CACNA1A: variants seen among roughly 807,000 people sequenced by gnomAD.
The protein encoded by CACNA1A is voltage-dependent P/Q-type calcium channel subunit alpha-1A.
Under a neutral mutation model 262.4 loss-of-function variants are expected in CACNA1A, and 57 were observed. The observed-to-expected ratio is 0.22, with a 90% confidence interval of 0.18 to 0.27. The LOEUF is 0.27. Among genes scored for constraint, CACNA1A ranks in the 10% least tolerant of loss-of-function variants. The pLI, the probability that CACNA1A is intolerant of heterozygous loss-of-function variation, is 1.00. For synonymous variants in CACNA1A, 1,431 were observed against 1,419.3 expected, an observed-to-expected ratio of 1.01 and a Z score of -0.18; for missense variants, 2,526 against 3,562.8, an observed-to-expected ratio of 0.71 and a Z score of 7.41.
chr19:13,271,806 C>G (rs144378225), intron 24 of CACNA1A: 1 of 151,166 alleles, frequency 6.6e-6, no homozygotes, highest in Non-Finnish European at 1.5e-5. Context: ...CTCTGTTGCC[C>G]AGGCTGGAGT....
intron 34 of CACNA1A, among the ~76,000 whole-genome samples, chr19:13,232,086 C>T (rs902273330): frequency 6.6e-6 from 1 of 152,150 alleles, no homozygotes; most frequent in African/African-American, 2.4e-5. Flanking sequence ...TGCCCGTGCC[C>T]CACCCCAGCA....
intron 15 of CACNA1A, among the ~76,000 whole-genome samples, chr19:13,305,782 C>T (rs972031175): frequency 6.6e-6 from 1 of 152,152 alleles, no homozygotes; most frequent in Non-Finnish European, 1.5e-5. Context: ...CGCTTATGGG[C>T]CAGGTGTGGT....
intron 6 of CACNA1A, among the ~76,000 whole-genome samples, chr19:13,345,889 C>T (rs6511857): frequency 0.68 from 96,675 of 142,928 alleles, 33,472 homozygotes; most frequent in East Asian, 0.85. Flanking sequence ...TGTCTGTTCA[C>T]GAAGTCTTTT....
At chr19:13,433,549 G>A (rs1234219288) in intron 3 of CACNA1A, among the ~76,000 whole-genome samples, 1 of 150,976 alleles carries the variant, frequency 6.6e-6, no homozygotes, top group Non-Finnish European at 1.5e-5. Context: ...CTTGGATCAG[G>A]GCCTGCATTG....
At position 13,463,990 on chromosome 19, in the gene CACNA1A, A is replaced by G. The variant is rs1405668275; in HGVS notation, c.294-8778T>C. On this transcript the variant is annotated intron_variant, in intron 1 of 46. Coordinates refer to ENST00000360228, the MANE Select transcript of CACNA1A (RefSeq NM_001127222.2). ...ACCTCATAGGTTGTGTGAGAATGGAATGAGCTGATACACACAATAATCTAT... is the reference window on the plus strand; with the variant it reads ...ACCTCATAGGTTGTGTGAGAATGGAGTGAGCTGATACACACAATAATCTAT... 3.3e-5 allele frequency among the ~76,000 whole-genome samples: 5 copies of G among 152,198 alleles called. No homozygotes were observed. The East Asian group carries it at 9.6e-4, about 29-fold the overall frequency.
At position 13,232,142 on chromosome 19, in the gene CACNA1A, T is replaced by C. The variant is rs537190592; in HGVS notation, c.5250-282A>G. On this transcript the variant is annotated intron_variant, in intron 34 of 46. Coordinates refer to ENST00000360228, the MANE Select transcript of CACNA1A (RefSeq NM_001127222.2). The stretch of plus-strand genomic sequence containing the variant: ...AGGGTGGGATTTGAGGACACTGATA[T>C]GTTTTTTTCTTTTCTTTTCCTTCTC... 4.4e-4 allele frequency among the ~76,000 whole-genome samples: 67 copies of C among 152,222 alleles called. No homozygotes were observed. In the East Asian group the frequency reaches 0.012, roughly 27 times the overall value.
At chr19:13,281,778 T>A (rs1013971157) in intron 22 of CACNA1A, among the ~76,000 whole-genome samples, 1 of 152,228 alleles carries the variant, frequency 6.6e-6, no homozygotes, top group Non-Finnish European at 1.5e-5. Context: ...GGCCACAGTG[T>A]TCTTGTAGAG....
chr19:13,310,519 G>T (rs1482855989), intron 12 of CACNA1A, among the ~76,000 whole-genome samples: 5 of 91,612 alleles, frequency 5.5e-5, no homozygotes, highest in Admixed American at 1.2e-4. Context: ...TATATGTAGA[G>T]AGAGAGAGAG....
At position 13,214,127 on chromosome 19, in the gene CACNA1A, G is replaced by C; in HGVS notation, c.5940+106C>G. ...GCTGTGCACAGCCCCTACTTTTCAG[G>C]GACCTGCCCTGGGGCTCAGCCACCC... On this transcript the variant is annotated intron_variant, in intron 40 of 46. Transcript: ENST00000360228. The surrounding 1 kb of genome is among the most constrained non-coding windows in gnomAD (Gnocchi z 4.1). 1 of 868,182 alleles carries C rather than the reference G, an allele frequency of 1.2e-6. No homozygotes were observed. The highest frequency in any genetic ancestry group is 1.8e-6 in the Non-Finnish European group (1 of 548,884). 53.8% of individuals were successfully genotyped at this position (868,182 alleles called of 1,614,324 possible).
intron 12 of CACNA1A, among the ~76,000 whole-genome samples, chr19:13,312,437 C>T (rs1001963599): frequency 6.6e-6 from 1 of 152,182 alleles, no homozygotes; most frequent in Non-Finnish European, 1.5e-5. Context: ...TTATGTCCCC[C>T]ACTTAGCTTT....
At chr19:13,245,097 C>T (rs2144691461) in intron 31 of CACNA1A, 85 bp downstream of exon 31, 2 of 1,094,084 alleles carry the variant, frequency 1.8e-6, no homozygotes, top group Non-Finnish European at 2.8e-6. Context: ...CCGGGACACA[C>T]TGCCTCTGGG....
At chr19:13,332,790 C>T in intron 9 of CACNA1A, 79 bp downstream of exon 9, 1 of 894,646 alleles carries the variant, frequency 1.1e-6, no homozygotes, top group Non-Finnish European at 1.8e-6. Context: ...AACCAGTCAC[C>T]TGCTCTCCCC....
chr19:13,405,143 G>A (rs1167284220), intron 3 of CACNA1A, among the ~76,000 whole-genome samples: 19 of 152,042 alleles, frequency 1.2e-4, no homozygotes, highest in Admixed American at 2.6e-4. Flanking sequence ...TGATCTGCCC[G>A]CCTTGGCCTC....
chr19:13,307,653 TGTTTCAAA>T (rs2057932323), intron 15 of CACNA1A, 121 bp downstream of exon 15: 1 of 690,938 alleles, frequency 1.4e-6, no homozygotes, highest in Non-Finnish European at 2.6e-6. Flanking sequence ...ATAAAATCTG[TGTTTCAAA>T]GTGGTGTGAA....
intron 3 of CACNA1A, among the ~76,000 whole-genome samples, chr19:13,443,448 C>T (rs2060759506): frequency 6.6e-6 from 1 of 152,094 alleles, no homozygotes; most frequent in African/African-American, 2.4e-5. Context: ...CTCAAGCAAT[C>T]CTCCTGCCTC....
At chr19:13,246,373 G>A (rs2056234491) in intron 30 of CACNA1A, among the ~76,000 whole-genome samples, 1 of 152,264 alleles carries the variant, frequency 6.6e-6, no homozygotes, top group South Asian at 2.1e-4. Flanking sequence ...TCTGGTCAGT[G>A]TTGGACTCTC....
chr19:13,452,815 A>G (rs1198473747), intron 3 of CACNA1A, 61 bp downstream of exon 3: 3 of 1,547,632 alleles, frequency 1.9e-6, no homozygotes, highest in South Asian at 1.2e-5. Context: ...GACCACACCA[A>G]CCAAAAGCCT....
chr19:13,231,343 G>T (rs1438266653), intron 35 of CACNA1A, among the ~76,000 whole-genome samples: 1 of 152,026 alleles, frequency 6.6e-6, no homozygotes. Flanking sequence ...TCAAATGGGG[G>T]AATTCTGGCC....
At chr19:13,270,029 T>C (rs1351951217) in intron 24 of CACNA1A, among the ~76,000 whole-genome samples, 1 of 152,180 alleles carries the variant, frequency 6.6e-6, no homozygotes. Context: ...CTCGCAGCCC[T>C]GCCAGGCCTC....
Sources: allele counts gnomAD v4.1 joint callset (sites outside exome capture counted in the v4.1 genomes callset), GRCh38; gene constraint gnomAD v4.1.1; non-coding constraint Gnocchi (gnomAD v3.1); transcripts MANE v1.5; gene names NCBI Gene and HGNC (gene_info 2026-07-23, HGNC 2026-07-21).